EIF2A: variants seen among roughly 807,000 people sequenced by gnomAD.
EIF2A encodes the protein 65 kDa eukaryotic translation initiation factor 2A.
Under a neutral mutation model 75.2 loss-of-function variants are expected in EIF2A, and 62 were observed. That is an observed-to-expected ratio of 0.82 (90% CI 0.67 to 1.02). The LOEUF is 1.02. Among genes scored for constraint, EIF2A ranks in the 50% least tolerant of loss-of-function variants. The pLI, the probability that EIF2A is intolerant of heterozygous loss-of-function variation, is 0.00. For synonymous variants in EIF2A, 207 were observed against 239.0 expected, an observed-to-expected ratio of 0.87 and a Z score of 1.23; for missense variants, 611 against 677.7, an observed-to-expected ratio of 0.90 and a Z score of 1.09.
At chr3:150,553,477 C>T (rs1328041097) in intron 2 of EIF2A, among the ~76,000 whole-genome samples, 2 of 152,034 alleles carry the variant, frequency 1.3e-5, no homozygotes, top group Admixed American at 6.6e-5. Flanking sequence ...GGTGCAATCT[C>T]GGCTTAATGC....
chr3:150,574,487 G>A (rs987790483), intron 10 of EIF2A, among the ~76,000 whole-genome samples: 2 of 152,116 alleles, frequency 1.3e-5, no homozygotes, highest in Admixed American at 6.6e-5. Flanking sequence ...TTCATATTAT[G>A]TATAAAACAA....
intron 1 of EIF2A, among the ~76,000 whole-genome samples, chr3:150,550,790 G>A (rs1023143960): frequency 1.3e-5 from 2 of 152,170 alleles, no homozygotes; most frequent in Non-Finnish European, 2.9e-5. Context: ...CCTCAGCCGT[G>A]CGAATAGCTG....
At chr3:150,555,506 C>T (rs1389992186) in intron 2 of EIF2A, among the ~76,000 whole-genome samples, 1 of 151,932 alleles carries the variant, frequency 6.6e-6, no homozygotes, top group Non-Finnish European at 1.5e-5. Flanking sequence ...GATTCACCCT[C>T]CTTGGCCTCC....
chr3:150,567,803 T>C (rs755472438), intron 7 of EIF2A, 37 bp downstream of exon 7: 1 of 1,565,376 alleles, frequency 6.4e-7, no homozygotes, highest in East Asian at 2.3e-5. Flanking sequence ...ATATTATGTG[T>C]TTAAACCTTT....
chr3:150,572,637 T>C, intron 10 of EIF2A, 108 bp downstream of exon 10: 3 of 1,096,080 alleles, frequency 2.7e-6, no homozygotes, highest in Non-Finnish European at 3.9e-6. Flanking sequence ...GGAGGATCAC[T>C]TGAGGTCAGG....
intron 1 of EIF2A, 75 bp downstream of exon 1, chr3:150,546,905 C>T (rs1723062387): frequency 3.8e-6 from 6 of 1,592,940 alleles, no homozygotes; most frequent in East Asian, 2.2e-5. Context: ...TTGAGAACTA[C>T]CCGAGGAGCC....
chr3:150,570,523 A>G (rs932895788), intron 9 of EIF2A, among the ~76,000 whole-genome samples: 4 of 151,490 alleles, frequency 2.6e-5, no homozygotes, highest in Non-Finnish European at 5.9e-5. Flanking sequence ...CTAAGATCCT[A>G]CGGCTGTACT....
chr3:150,555,731 A>G (rs1368877192), intron 2 of EIF2A, among the ~76,000 whole-genome samples: 1 of 152,048 alleles, frequency 6.6e-6, no homozygotes, highest in Non-Finnish European at 1.5e-5. Context: ...TCTATTTAAA[A>G]AACAAAAAAC....
intron 6 of EIF2A, chr3:150,564,957 A>AT (rs1437565467): frequency 1.7e-5 from 3 of 173,980 alleles, no homozygotes; most frequent in South Asian, 1.2e-4. Context: ...AAATGTTACA[A>AT]TTTTTTTTAA....
At chr3:150,547,897 A>T (rs937043165) in intron 1 of EIF2A, among the ~76,000 whole-genome samples, 2 of 151,616 alleles carry the variant, frequency 1.3e-5, no homozygotes, top group Non-Finnish European at 2.9e-5. Flanking sequence ...TACATAATAA[A>T]TTTTTTTTTA....
intron 5 of EIF2A, among the ~76,000 whole-genome samples, chr3:150,563,929 C>T (rs1724022672): frequency 6.6e-6 from 1 of 152,156 alleles, no homozygotes; most frequent in Non-Finnish European, 1.5e-5. Flanking sequence ...GCAATTTCAC[C>T]TGCCTCAGCC....
chr3:150,567,955 T>C lies in EIF2A; in HGVS notation c.603T>C (p.Tyr201=), dbSNP rs767481853. 2.4e-5 allele frequency: 38 copies of C among 1,613,380 alleles called. No individual in the cohort carries two copies. The highest frequency in any genetic ancestry group is 3.2e-5 in the Non-Finnish European group (38 of 1,179,728). Residue 201 remains tyrosine, a synonymous_variant, in exon 8 of 14, where the codon TAT becomes TAC. Coordinates refer to ENST00000460851, the MANE Select transcript of EIF2A (RefSeq NM_032025.5). ...SKGAPSFVRL[Y]QYPNFAGPHA... ...GTGCACCTTCATTTGTTAGATTATA[T>C]CAGTACCCCAACTTTGCTGGACCTC...
chr3:150,554,195 A>G (rs1381192640), intron 2 of EIF2A, among the ~76,000 whole-genome samples: 2 of 152,216 alleles, frequency 1.3e-5, no homozygotes, highest in Non-Finnish European at 1.5e-5. Flanking sequence ...AAGCATGTCA[A>G]GTATATAAAT....
chr3:150,574,361 C>T (rs1200440304), intron 10 of EIF2A, among the ~76,000 whole-genome samples: 1 of 151,942 alleles, frequency 6.6e-6, no homozygotes, highest in African/African-American at 2.4e-5. Flanking sequence ...TGCTCATAAG[C>T]GTGGAAGAGA....
chr3:150,579,890 TTA>T (rs140026582), intron 11 of EIF2A, among the ~76,000 whole-genome samples: 1 of 151,824 alleles, frequency 6.6e-6, no homozygotes, highest in African/African-American at 2.4e-5. Context: ...ACCTGGAGCA[TTA>T]TATATATATT....
chr3:150,564,593 G>A, intron 6 of EIF2A: 1 of 367,364 alleles, frequency 2.7e-6, no homozygotes, highest in Non-Finnish European at 4.9e-6. Context: ...TTATTATCTG[G>A]TAATTGCTAT....
chr3:150,572,385 G>T lies in EIF2A; in HGVS notation c.1239G>T (p.Trp413Cys), dbSNP rs766347250. 1 of 1,613,882 alleles carries T rather than the reference G, an allele frequency of 6.2e-7. No homozygotes were observed. ...PSNAELWQVSWQPFLDGIFPA... is the reference protein window; with the variant it reads ...PSNAELWQVSCQPFLDGIFPA... Reference sequence around the variant, plus strand: ...ATGCAGAATTATGGCAGGTTTCTTGGCAGCCATTTTTGGATGGAATATTTC... The same window carrying T: ...ATGCAGAATTATGGCAGGTTTCTTGTCAGCCATTTTTGGATGGAATATTTC... Residue 413 changes from tryptophan to cysteine, a missense_variant, in exon 10 of 14, where the codon TGG becomes TGT. Physicochemically the swap from Trp to Cys is radical, Grantham distance 215. Coordinates refer to ENST00000460851, the MANE Select transcript of EIF2A (RefSeq NM_032025.5).
In EIF2A at chr3:150,584,974, T is replaced by C. The variant is rs1401592386; in HGVS notation, c.*1063T>C. Among the ~76,000 whole-genome samples, 2 of 152,062 alleles carry C rather than the reference T, an allele frequency of 1.3e-5. No individual in the cohort carries two copies. The highest frequency in any genetic ancestry group is 2.9e-5 in the Non-Finnish European group (2 of 68,010). Reference sequence around the variant, plus strand: ...TTTTGTGTATCTTTCTAATGATAGATACCATATGAGTATTCAAATATACAT... The same window carrying C: ...TTTTGTGTATCTTTCTAATGATAGACACCATATGAGTATTCAAATATACAT... On this transcript the variant is annotated 3_prime_UTR_variant, in exon 14 of 14. Transcript: ENST00000460851.
intron 5 of EIF2A, 86 bp from the exon 6 acceptor site, chr3:150,564,213 A>T: frequency 1.0e-6 from 1 of 993,120 alleles, no homozygotes; most frequent in Non-Finnish European, 1.4e-6. Flanking sequence ...ATGGTAACCA[A>T]TATCATAAAT....
Sources: gnomAD v4.1 joint callset for allele counts (sites outside exome capture counted in the v4.1 genomes callset) on GRCh38, gnomAD v4.1.1 for gene constraint, MANE v1.5 for transcripts, NCBI Gene and HGNC (gene_info 2026-07-23, HGNC 2026-07-21) for gene names.